Variants in PPEF1 observed in about 807,000 individuals in gnomAD.
PPEF1 encodes the protein serine/threonine-protein phosphatase with EF-hands 1.
In PPEF1, 12 loss-of-function variants were observed where a neutral mutation model predicts 53.3. The ratio of observed to expected loss-of-function variants is 0.23; its 90% CI spans 0.14 to 0.36. The LOEUF is 0.36. PPEF1 is among the 10% of genes least tolerant of loss of function. The pLI is 1.00. For missense variants in PPEF1, 334 were observed against 490.4 expected, an observed-to-expected ratio of 0.68 and a Z score of 3.01; for synonymous variants, 165 against 176.7, an observed-to-expected ratio of 0.93 and a Z score of 0.52.
intron 1 of PPEF1, among the ~76,000 whole-genome samples, chrX:18,683,742 C>T (rs1335532131): frequency 9.0e-6 from 1 of 111,678 alleles, no homozygotes; most frequent in Non-Finnish European, 1.9e-5. Context: ...CCCTTTTGCC[C>T]ATAGTTCATC....
intron 6 of PPEF1, among the ~76,000 whole-genome samples, chrX:18,765,319 C>T (rs1381330775): frequency 1.8e-5 from 2 of 111,334 alleles, no homozygotes; most frequent in Non-Finnish European, 3.8e-5. Flanking sequence ...AGTGGGGAAA[C>T]CGAGGGAAGA....
intron 1 of PPEF1, among the ~76,000 whole-genome samples, chrX:18,724,835 C>T (rs1259797516): frequency 9.0e-6 from 1 of 110,907 alleles, no homozygotes; most frequent in Admixed American, 9.7e-5. Context: ...GCATTCTACC[C>T]TTTGCTATTT....
chrX:18,815,459 T>C (rs1421724975), intron 12 of PPEF1, among the ~76,000 whole-genome samples: 2 of 112,315 alleles, frequency 1.8e-5, no homozygotes, highest in African/African-American at 6.5e-5. Flanking sequence ...GCCATCTGGC[T>C]CTGGGCTTGT....
chrX:18,770,797 T>G (rs181728330), intron 6 of PPEF1, among the ~76,000 whole-genome samples: 83 of 112,651 alleles, frequency 7.4e-4, no homozygotes, highest in African/African-American at 2.6e-3. Flanking sequence ...ATAGAAAGTG[T>G]GTTTACCATT....
chrX:18,725,070 A>G (rs750848797), intron 1 of PPEF1, among the ~76,000 whole-genome samples: 18 of 111,019 alleles, frequency 1.6e-4, no homozygotes, highest in Non-Finnish European at 2.8e-4. Context: ...AAGTACCCCA[A>G]ATCTCAACGT....
chrX:18,807,912 G>T (rs1040029536), intron 12 of PPEF1, among the ~76,000 whole-genome samples: 1 of 108,548 alleles, frequency 9.2e-6, no homozygotes, highest in Non-Finnish European at 1.9e-5. Flanking sequence ...TGCCCGCCTC[G>T]GCCTCCCAAA....
At chrX:18,729,705 C>A (rs974143959) in intron 1 of PPEF1, among the ~76,000 whole-genome samples, 3 of 112,145 alleles carry the variant, frequency 2.7e-5, no homozygotes, top group African/African-American at 9.7e-5. Context: ...AATTGCATCC[C>A]CATATGTCTC....
intron 10 of PPEF1, among the ~76,000 whole-genome samples, chrX:18,801,874 C>T (rs1281934893): frequency 9.3e-6 from 1 of 107,332 alleles, no homozygotes; most frequent in South Asian, 4.3e-4. Flanking sequence ...ATCCCAGCTA[C>T]TCAGGAGGCT....
chrX:18,753,538 G>A (rs1462398852), intron 4 of PPEF1, among the ~76,000 whole-genome samples: 1 of 111,381 alleles, frequency 9.0e-6, no homozygotes, highest in Non-Finnish European at 1.9e-5. Context: ...AAAATATTAA[G>A]TTAGTTTATT....
intron 13 of PPEF1, among the ~76,000 whole-genome samples, chrX:18,821,894 C>G (rs967596737): frequency 1.8e-5 from 2 of 111,213 alleles, no homozygotes; most frequent in African/African-American, 6.5e-5. Flanking sequence ...AAGGGACCCC[C>G]TACTCCCAAT....
intron 12 of PPEF1, among the ~76,000 whole-genome samples, chrX:18,813,963 G>A (rs1569271770): frequency 1.8e-5 from 2 of 111,154 alleles, no homozygotes; most frequent in South Asian, 3.8e-4. Flanking sequence ...CATAATACCC[G>A]ATACTTAGTT....
chrX:18,789,008 T>A (rs1240389158), intron 9 of PPEF1, 113 bp from the exon 10 acceptor site: 1 of 934,969 alleles, frequency 1.1e-6, no homozygotes, highest in Non-Finnish European at 1.5e-6. Context: ...TGACCGTGTG[T>A]TTTTCATTGG....
At chrX:18,687,355 G>A (rs1929130689) in intron 3 of PPEF1, among the ~76,000 whole-genome samples, 1 of 111,276 alleles carries the variant, frequency 9.0e-6, no homozygotes, top group Admixed American at 9.6e-5. Flanking sequence ...CCATTCATTC[G>A]TTACGTCAAC....
In PPEF1 at chrX:18,825,831, C is replaced by T; in HGVS notation, c.1746C>T (p.His582=). Residue 582 remains histidine, a synonymous_variant, in exon 15 of 16, where the codon CAC becomes CAT. Coordinates refer to ENST00000470157, the MANE Select transcript of PPEF1 (RefSeq NM_001377996.1). ...TATTTAATGCCATTGACACTGATCA[C>T]TCAGGTAAATAAATGAACTTGGATG... is the stretch of plus-strand genomic sequence containing the variant. ...EIIFNAIDTD[H]SGLISVEEFR... The T allele has an allele frequency of 1.7e-6, 2 of 1,187,446 alleles. No homozygotes were observed. Among genetic ancestry groups the T allele is most frequent in the East Asian group, 3.0e-5 (1 of 33,329 alleles).
At chrX:18,820,868 G>A (rs1055860653) in intron 13 of PPEF1, among the ~76,000 whole-genome samples, 11 of 111,381 alleles carry the variant, frequency 9.9e-5, no homozygotes, top group African/African-American at 3.3e-4. Flanking sequence ...ATACAACTCC[G>A]TAACATAAGA....
chrX:18,782,838 C>A (rs1335172039), intron 8 of PPEF1, among the ~76,000 whole-genome samples: 3 of 109,324 alleles, frequency 2.7e-5, no homozygotes, highest in Admixed American at 9.8e-5. Flanking sequence ...GGAGGCTGAG[C>A]ACGGTGGCTC....
upstream of PPEF1, among the ~76,000 whole-genome samples, chrX:18,704,679 G>A (rs1237403867): frequency 6.2e-5 from 7 of 112,030 alleles, no homozygotes; most frequent in East Asian, 2.8e-4. Context: ...ATGCAGCACC[G>A]TGGGTTTTCT....
intron 1 of PPEF1, among the ~76,000 whole-genome samples, chrX:18,677,282 G>A (rs1358094892): frequency 3.6e-5 from 4 of 111,838 alleles, no homozygotes; most frequent in Admixed American, 9.5e-5. Flanking sequence ...CAAGTGATCC[G>A]CCCACCTCGG....
At chrX:18,702,003 T>C (rs747335302) in intron 6 of PPEF1, among the ~76,000 whole-genome samples, 2 of 111,870 alleles carry the variant, frequency 1.8e-5, no homozygotes, top group South Asian at 7.6e-4. Context: ...AATCACCAGC[T>C]TGGTCTTACA....
Sources: gnomAD v4.1 joint callset for allele counts (sites outside exome capture counted in the v4.1 genomes callset) on GRCh38, gnomAD v4.1.1 for gene constraint, MANE v1.5 for transcripts, NCBI Gene and HGNC (gene_info 2026-07-23, HGNC 2026-07-21) for gene names.